ITPR3: variants seen among roughly 807,000 people sequenced by gnomAD.
ITPR3 encodes the protein inositol 1,4,5-trisphosphate-gated calcium channel ITPR3.
Under a neutral mutation model 293.2 loss-of-function variants are expected in ITPR3, and 173 were observed. The ratio of observed to expected loss-of-function variants is 0.59; its 90% CI spans 0.52 to 0.67. The LOEUF is 0.67. ITPR3 is among the 30% of genes least tolerant of loss of function. The pLI, the probability that ITPR3 is intolerant of heterozygous loss-of-function variation, is 0.00. For missense variants in ITPR3, 2,796 were observed against 3,592.1 expected (o/e 0.78, Z 5.66); for synonymous variants, 1,295 against 1,444.4 (o/e 0.90, Z 2.35).
chr6:33,621,573 C>A lies in ITPR3; in HGVS notation c.-30C>A, dbSNP rs755836900. 24 of 1,548,228 alleles carry A rather than the reference C, an allele frequency of 1.6e-5. No homozygotes were observed. The highest frequency in any genetic ancestry group is 2.1e-5 in the Non-Finnish European group (24 of 1,138,652). On this transcript the variant is annotated 5_prime_UTR_variant, in exon 1 of 58. Coordinates refer to ENST00000605930, the MANE Select transcript of ITPR3 (RefSeq NM_002224.4). The surrounding 1 kb of genome is among the most constrained non-coding windows in gnomAD (Gnocchi z 7.7). ...TTGGCCACGCGCCCCTAGGCGCCCC[C>A]CACGCCCTGGGCCCCGGAGGGCCGC... is the stretch of plus-strand genomic sequence containing the variant.
intron 56 of ITPR3, among the ~76,000 whole-genome samples, chr6:33,694,086 T>C (rs368706323): frequency 6.2e-4 from 94 of 152,194 alleles, no homozygotes; most frequent in African/African-American, 2.0e-3. Flanking sequence ...GGGGAGACCC[T>C]GCCCGTGGCC....
intron 56 of ITPR3, 72 bp from the exon 57 acceptor site, chr6:33,694,852 T>G: frequency 3.8e-6 from 6 of 1,572,750 alleles, no homozygotes; most frequent in Non-Finnish European, 5.2e-6. Context: ...TCCCCCCACA[T>G]TACTGTTTTT....
At chr6:33,681,608 G>A (rs367790922) in intron 33 of ITPR3, among the ~76,000 whole-genome samples, 6 of 152,138 alleles carry the variant, frequency 3.9e-5, no homozygotes, top group Admixed American at 2.0e-4. Flanking sequence ...CTACATGACC[G>A]AAATCAAAGA....
At chr6:33,669,712 A>C (rs1764707212) in intron 18 of ITPR3, among the ~76,000 whole-genome samples, 1 of 152,178 alleles carries the variant, frequency 6.6e-6, no homozygotes, top group African/African-American at 2.4e-5. Flanking sequence ...CCACATGACA[A>C]CCCTTGTTGT....
At position 33,691,644 on chromosome 6, in the gene ITPR3, G is replaced by A. The variant is rs148738884; in HGVS notation, c.7255G>A (p.Ala2419Thr). 1.7e-5 allele frequency: 27 copies of A among 1,614,086 alleles called. 1 individual carries two copies. In the African/African-American group the frequency reaches 2.3e-4, roughly 14 times the overall value. The change falls in exon 53 of 58, where the codon GCT becomes ACT. Residue 2419 changes from alanine to threonine, a missense_variant. Around this residue, in one of 8 missense-constraint regions of ITPR3, gnomAD observed 568 missense variants for 796.1 expected, o/e 0.71. Transcript: ENST00000605930. This position sits in a 1 kb window ranked among gnomAD's most constrained non-coding sequence, Gnocchi z 4.9. ...CCCCCTGGGGATGCCACATGGAGCT[G>A]CTGCATTTGTGGACACCTGCAGTGG... ...ASPLGMPHGAAAFVDTCSGDK... is the reference protein window; with the variant it reads ...ASPLGMPHGATAFVDTCSGDK...
chr6:33,657,453 A>T lies in ITPR3; in HGVS notation c.283-479A>T, dbSNP rs561435058. ...TGAATGCACACAGTTTTGGGAGGGA[A>T]GGTTGCAGAGGAGTGGGGGTGGTGG... On this transcript the variant is annotated intron_variant, in intron 3 of 57. Transcript: ENST00000605930. Among the ~76,000 whole-genome samples the T allele has an allele frequency of 2.0e-5, 3 of 147,472 alleles. No homozygotes were observed. The East Asian group carries it at 6.3e-4, about 31-fold the overall frequency.
rs189984669 is a variant in ITPR3 at position 33,634,196 on chromosome 6, G to A, written c.90-6288G>A. Reference sequence around the variant, plus strand: ...ACGGGTGAGGGGAGCTTGGGGGCACGGTGGGACCCTGCAAACATCTGCCCA... The same window carrying A: ...ACGGGTGAGGGGAGCTTGGGGGCACAGTGGGACCCTGCAAACATCTGCCCA... On this transcript the variant is annotated intron_variant, in intron 1 of 57. Transcript: ENST00000605930. 3.8e-3 allele frequency among the ~76,000 whole-genome samples: 575 copies of A among 152,262 alleles called. 5 individuals carry two copies. The highest frequency in any genetic ancestry group is 8.3e-3 in the African/African-American group (345 of 41,552).
At position 33,680,659 on chromosome 6, in the gene ITPR3, T is replaced by C; in HGVS notation, c.4455T>C (p.Ser1485=). 1 of 1,614,002 alleles carries C rather than the reference T, an allele frequency of 6.2e-7. No homozygotes were observed. Among genetic ancestry groups the C allele is most frequent in the Non-Finnish European group, 8.5e-7 (1 of 1,179,874 alleles). Residue 1485 remains serine (S), a synonymous_variant, in exon 33 of 58, where the codon TCT becomes TCC. Coordinates refer to ENST00000605930, the MANE Select transcript of ITPR3 (RefSeq NM_002224.4). ...ACGCCTTCTTCAGCTCCCCATTCTCTGAGAACAGCACTTCCCTGCAGGTGA... is the reference window on the plus strand; with the variant it reads ...ACGCCTTCTTCAGCTCCCCATTCTCCGAGAACAGCACTTCCCTGCAGGTGA... The part of the protein sequence containing the change: ...TINAFFSSPF[S]ENSTSLQTHQ...
At chr6:33,651,584 T>C (rs1271672208) in intron 2 of ITPR3, among the ~76,000 whole-genome samples, 1 of 152,200 alleles carries the variant, frequency 6.6e-6, no homozygotes. Context: ...TCCTTCCATC[T>C]GAAGAAGCTG....
chr6:33,662,806 G>A (rs934208219), intron 8 of ITPR3, 105 bp from the exon 9 acceptor site: 35 of 1,489,760 alleles, frequency 2.3e-5, no homozygotes, highest in Middle Eastern at 1.9e-4. Flanking sequence ...AAAGGCCAGA[G>A]AGGGTCCAGA....
chr6:33,682,523 G>C lies in ITPR3; in HGVS notation c.4477-1G>C. 1 of 1,522,126 alleles carries C rather than the reference G, an allele frequency of 6.6e-7. No homozygotes were observed. The highest frequency in any genetic ancestry group is 8.8e-7 in the Non-Finnish European group (1 of 1,133,294). 94.3% of individuals were successfully genotyped at this position (1,522,126 alleles called of 1,614,324 possible). ...GCAGCGGGCTCTGTGACTTCTTGCA[G>C]ACACACCAGACGATTGTGGTGCAGC... On this transcript the variant is annotated splice_acceptor_variant, in intron 33 of 57. Coordinates refer to ENST00000605930, the MANE Select transcript of ITPR3 (RefSeq NM_002224.4). LOFTEE classifies it high-confidence loss of function. This position sits in a 1 kb window ranked among gnomAD's most constrained non-coding sequence, Gnocchi z 5.4.
chr6:33,659,566 C>T lies in ITPR3; in HGVS notation c.711+17C>T. The stretch of plus-strand genomic sequence containing the variant: ...TTGAAAGGGGTAAGGACTGGGAACC[C>T]CTGCCCTGCCCAGCTGGCCACCTAG... On this transcript the variant is annotated intron_variant, in intron 7 of 57. Coordinates refer to ENST00000605930, the MANE Select transcript of ITPR3 (RefSeq NM_002224.4). The T allele has an allele frequency of 6.2e-7, 1 of 1,607,770 alleles. No homozygotes were observed. Among genetic ancestry groups the T allele is most frequent in the Non-Finnish European group, 8.5e-7 (1 of 1,174,528 alleles).
At position 33,654,575 on chromosome 6, in the gene ITPR3, C is replaced by A. The variant is rs145526927; in HGVS notation, c.161-1191C>A. 6.3e-4 allele frequency among the ~76,000 whole-genome samples: 96 copies of A among 152,266 alleles called. No individual in the cohort carries two copies. Among genetic ancestry groups the A allele is most frequent in the African/African-American group, 2.0e-3 (85 of 41,536 alleles). ...CTTGGGACTGGATGACCAGCTTTGA[C>A]CAGAGAAAAGACACAGCTTTCTTAG... On this transcript the variant is annotated intron_variant, in intron 2 of 57. Coordinates refer to ENST00000605930, the MANE Select transcript of ITPR3 (RefSeq NM_002224.4). This position sits in a 1 kb window ranked among gnomAD's most constrained non-coding sequence, Gnocchi z 4.1.
In ITPR3 at chr6:33,633,311, G is replaced by C. The variant is rs980083454; in HGVS notation, c.90-7173G>C. ...CTTTTCTGGGGCCCGTGGGTGGAGG[G>C]ACCTTGTGGGGAGGCGTTGGCGAGA... On this transcript the variant is annotated intron_variant, in intron 1 of 57. Transcript: ENST00000605930. This position sits in a 1 kb window ranked among gnomAD's most constrained non-coding sequence, Gnocchi z 5.2. Among the ~76,000 whole-genome samples the C allele has an allele frequency of 2.6e-5, 4 of 152,188 alleles. No homozygotes were observed. Among genetic ancestry groups the C allele is most frequent in the African/African-American group, 9.7e-5 (4 of 41,450 alleles).
chr6:33,646,604 T>A (rs1764072388), intron 2 of ITPR3, among the ~76,000 whole-genome samples: 1 of 151,920 alleles, frequency 6.6e-6, no homozygotes, highest in Non-Finnish European at 1.5e-5. Context: ...TCAAACTTCC[T>A]CTCTCTCTCT....
In ITPR3 at chr6:33,676,809, G is replaced by A; in HGVS notation, c.3324G>A (p.Lys1108=). ...LISAQDVENY[K]VIKSELDRLR... is the part of the protein sequence containing the mutation. ...CAGCGCAGGACGTGGAGAACTACAA[G>A]GTGATCAAGTCGGAGCTGGACCGGC... The change falls in exon 26 of 58, where the codon AAG becomes AAA. Residue 1108 remains lysine, a synonymous_variant. Transcript: ENST00000605930. 1 of 1,614,234 alleles carries A rather than the reference G, an allele frequency of 6.2e-7. No homozygotes were observed. The highest frequency in any genetic ancestry group is 8.5e-7 in the Non-Finnish European group (1 of 1,180,028).
Position 33,683,254 on chromosome 6 carries a change from A to G in ITPR3, c.4645A>G (p.Ser1549Gly). Residue 1549 changes from serine to glycine, a missense_variant, in exon 35 of 58, where the codon AGC becomes GGC. Physicochemically the swap from Ser to Gly is moderately conservative, Grantham distance 56. This residue lies in a region of ITPR3 where 704 missense variants were observed against 797.5 expected (regional missense o/e 0.88). Transcript: ENST00000605930. This position sits in a 1 kb window ranked among gnomAD's most constrained non-coding sequence, Gnocchi z 4.5. Reference protein sequence around the residue: ...LLPMDLDAHISSMLSSGASCA... With the variant: ...LLPMDLDAHIGSMLSSGASCA... Reference sequence around the variant, plus strand: ...GCCCATGGACCTGGATGCCCACATCAGCTCGATGCTCAGCAGTGGAGCCAG... The same window carrying G: ...GCCCATGGACCTGGATGCCCACATCGGCTCGATGCTCAGCAGTGGAGCCAG... 1.3e-6 allele frequency: 2 copies of G among 1,563,914 alleles called. No individual in the cohort carries two copies. The highest frequency in any genetic ancestry group is 8.7e-7 in the Non-Finnish European group (1 of 1,153,408).
chr6:33,660,597 C>G (rs1429309559), intron 7 of ITPR3, among the ~76,000 whole-genome samples: 2 of 152,154 alleles, frequency 1.3e-5, no homozygotes, highest in Admixed American at 6.5e-5. Flanking sequence ...GAAGCCTTCC[C>G]TAATGTTCCA....
chr6:33,688,694 C>T lies in ITPR3; in HGVS notation c.6607C>T (p.Leu2203=). 6.2e-7 allele frequency: 1 copy of T among 1,614,244 alleles called. No homozygotes were observed. Among genetic ancestry groups the T allele is most frequent in the African/African-American group, 1.3e-5 (1 of 75,074 alleles). ...LIYWFSRRMT[L]WGSISFNLAV... is the part of the protein sequence containing the mutation. ...CTACTGGTTCTCCCGCCGCATGACCCTGTGGGGCAGCATCTCCTTCAACCT... is the reference window on the plus strand; with the variant it reads ...CTACTGGTTCTCCCGCCGCATGACCTTGTGGGGCAGCATCTCCTTCAACCT... The change falls in exon 49 of 58, where the codon CTG becomes TTG. Residue 2203 remains leucine (L), a synonymous_variant. Transcript: ENST00000605930.
Sources: gnomAD v4.1 joint callset for allele counts (sites outside exome capture counted in the v4.1 genomes callset) on GRCh38, gnomAD v4.1.1 for gene constraint, gnomAD v4.1.1 regional missense constraint, Gnocchi (gnomAD v3.1) non-coding constraint, MANE v1.5 for transcripts, NCBI Gene and HGNC (gene_info 2026-07-23, HGNC 2026-07-21) for gene names.